The following NCKAP1 variants were observed in gnomAD, a reference collection of about 807,000 sequenced individuals.
NCKAP1 encodes nck-associated protein 1.
Under a neutral mutation model 151.2 loss-of-function variants are expected in NCKAP1, and 21 were observed. The observed-to-expected ratio is 0.14, with a 90% CI of 0.10 to 0.20. NCKAP1 has a LOEUF of 0.20. Ranked by LOEUF, NCKAP1 falls within the 10% of genes least tolerant of loss-of-function variation. NCKAP1 has a pLI of 1.00. For missense variants in NCKAP1, 933 were observed against 1,352.1 expected (o/e 0.69, Z 4.86); for synonymous variants, 484 against 451.8 (o/e 1.07, Z -0.90).
At chr2:183,031,198 T>C (rs1307211099) in intron 1 of NCKAP1, among the ~76,000 whole-genome samples, 1 of 152,146 alleles carries the variant, frequency 6.6e-6, no homozygotes, top group African/African-American at 2.4e-5. Flanking sequence ...CTTCAACCCA[T>C]TATACACTTC....
chr2:183,002,056 A>G lies in NCKAP1; in HGVS notation c.513-13T>C. The G allele has an allele frequency of 1.2e-6, 2 of 1,613,022 alleles. No individual in the cohort carries two copies. Among genetic ancestry groups the G allele is most frequent in the Non-Finnish European group, 8.5e-7 (1 of 1,179,212 alleles). Reference sequence around the variant, plus strand: ...GTATTCTCTGTCACTTAAAACAGACATATCAAATTTCAATGAGTTGTAATC... The same window carrying G: ...GTATTCTCTGTCACTTAAAACAGACGTATCAAATTTCAATGAGTTGTAATC... On this transcript the variant is annotated splice_polypyrimidine_tract_variant and intron_variant, in intron 5 of 30. Transcript: ENST00000361354.
At chr2:182,934,476 C>T in intron 26 of NCKAP1, 1 of 189,172 alleles carries the variant, frequency 5.3e-6, no homozygotes, top group African/African-American at 2.3e-5. Context: ...TCTTTATCAC[C>T]ATGTATAAAC....
Position 182,925,813 on chromosome 2 carries a change from T to C in NCKAP1, c.3276A>G (p.Val1092=), listed in dbSNP as rs767086294. 2.9e-5 allele frequency: 44 copies of C among 1,524,860 alleles called. 2 individuals carry two copies. The South Asian group carries it at 5.0e-4, about 17-fold the overall frequency. The allele number at this position is 1,524,860 out of a possible 1,614,324, so 94.5% of individuals were successfully genotyped here. Residue 1092 remains valine, a synonymous_variant, in exon 31 of 31, where the codon GTA becomes GTG. Coordinates refer to ENST00000361354, the MANE Select transcript of NCKAP1 (RefSeq NM_013436.5). ...ESVYLLLDMI[V]QESPFLTMDL... ...CCATTGTAAGGAATGGAGATTCTTG[T>C]ACAATCTGTAAAATTCAAAAAATCC...
chr2:183,013,382 T>C (rs1698625911), intron 2 of NCKAP1, among the ~76,000 whole-genome samples: 1 of 152,116 alleles, frequency 6.6e-6, no homozygotes, highest in South Asian at 2.1e-4. Context: ...TTTCTCCTGT[T>C]CTCTCACCCC....
rs113671900 is a variant in NCKAP1 at position 183,015,988 on chromosome 2, T to C, written c.219+7818A>G. 3.4e-3 allele frequency among the ~76,000 whole-genome samples: 518 copies of C among 152,028 alleles called. 3 individuals carry two copies. The highest frequency in any genetic ancestry group is 0.014 in the South Asian group (69 of 4,804). ...GAGAGGGGAAGTAAGGGGAAGTAAA[T>C]TGAGCAAGCTAAATCCTCATCTTTT... On this transcript the variant is annotated intron_variant, in intron 2 of 30. Transcript: ENST00000361354.
intron 13 of NCKAP1, among the ~76,000 whole-genome samples, chr2:182,979,943 G>A (rs949553429): frequency 6.6e-6 from 1 of 152,068 alleles, no homozygotes; most frequent in African/African-American, 2.4e-5. Context: ...ACTAATATCA[G>A]TATGATTGCT....
In NCKAP1 at chr2:182,965,322, TA is replaced by T. The variant is rs1460395408; in HGVS notation, c.1629-515del. On this transcript the variant is annotated intron_variant, in intron 16 of 30. Coordinates refer to ENST00000361354, the MANE Select transcript of NCKAP1 (RefSeq NM_013436.5). ...TTAAATAATCACACGCCATCAATTT[TA>T]TTTTTTTTTTTAACTTTTTTTAGAC... 3.1e-3 allele frequency among the ~76,000 whole-genome samples: 454 copies of T among 147,882 alleles called. 1 individual carries two copies. The highest frequency in any genetic ancestry group is 0.011 in the African/African-American group (419 of 37,492).
At chr2:182,952,683 A>T (rs1292939364) in intron 22 of NCKAP1, 110 bp downstream of exon 22, 15 of 1,240,428 alleles carry the variant, frequency 1.2e-5, no homozygotes, top group Non-Finnish European at 1.7e-5. Flanking sequence ...GCAGTTACGC[A>T]TATAATTGAA....
At chr2:182,974,402 C>T (rs1259031480) in intron 15 of NCKAP1, among the ~76,000 whole-genome samples, 2 of 152,076 alleles carry the variant, frequency 1.3e-5, no homozygotes, top group African/African-American at 4.8e-5. Context: ...ACCCCCAGTA[C>T]CTCAGAATGT....
intron 1 of NCKAP1, among the ~76,000 whole-genome samples, chr2:183,027,221 C>T (rs557513473): frequency 1.3e-5 from 2 of 152,274 alleles, no homozygotes; most frequent in South Asian, 4.1e-4. Flanking sequence ...GTTTCTTCAA[C>T]TGTTAAACAG....
intron 30 of NCKAP1, among the ~76,000 whole-genome samples, chr2:182,926,102 C>T (rs1696640669): frequency 6.6e-6 from 1 of 151,888 alleles, no homozygotes; most frequent in Non-Finnish European, 1.5e-5. Context: ...CACTGATATA[C>T]TAGAAATAAA....
chr2:182,947,822 A>T lies in NCKAP1; in HGVS notation c.2601+4583T>A, dbSNP rs550246116. Among the ~76,000 whole-genome samples the T allele has an allele frequency of 3.9e-5, 6 of 152,198 alleles. No individual in the cohort carries two copies. The South Asian group carries it at 1.2e-3, about 31-fold the overall frequency. On this transcript the variant is annotated intron_variant, in intron 23 of 30. Coordinates refer to ENST00000361354, the MANE Select transcript of NCKAP1 (RefSeq NM_013436.5). ...TCAATGAGACAGACTAGTATACAAC[A>T]CACTGAATTTATCTATATGAAACAT...
chr2:182,971,866 A>T (rs1433815295), intron 15 of NCKAP1, among the ~76,000 whole-genome samples: 1 of 152,192 alleles, frequency 6.6e-6, no homozygotes, highest in African/African-American at 2.4e-5. Flanking sequence ...CCACATGTAA[A>T]GGAATGAAAC....
At chr2:182,978,946 A>C in intron 13 of NCKAP1, 31 bp from the exon 14 acceptor site, 1 of 1,512,032 alleles carries the variant, frequency 6.6e-7, no homozygotes, top group Non-Finnish European at 9.2e-7. Context: ...AACGTTAAAA[A>C]CATCTATAGT....
intron 15 of NCKAP1, among the ~76,000 whole-genome samples, chr2:182,972,235 A>C (rs1250674724): frequency 1.5e-4 from 23 of 151,008 alleles, no homozygotes; most frequent in Non-Finnish European, 2.7e-4. Context: ...AAAAAAAAAA[A>C]AAAAAAAAAA....
intron 23 of NCKAP1, 71 bp downstream of exon 23, chr2:182,952,334 G>T: frequency 1.0e-6 from 1 of 966,058 alleles, no homozygotes; most frequent in Non-Finnish European, 1.6e-6. Context: ...TTGTAGGCTT[G>T]TTGCTCATAT....
chr2:183,004,403 A>C (rs2105877446), intron 2 of NCKAP1, among the ~76,000 whole-genome samples: 1 of 151,576 alleles, frequency 6.6e-6, no homozygotes, highest in Admixed American at 6.6e-5. Context: ...CACTATGGTA[A>C]GTCAGAAAAT....
chr2:182,963,036 T>C lies in NCKAP1; in HGVS notation c.1762-758A>G, dbSNP rs144372630. Among the ~76,000 whole-genome samples, 35 of 152,226 alleles carry C rather than the reference T, an allele frequency of 2.3e-4. No homozygotes were observed. The East Asian group carries it at 6.6e-3, about 28-fold the overall frequency. On this transcript the variant is annotated intron_variant, in intron 17 of 30. Transcript: ENST00000361354. ...CCTGCCCTGACCTTCCATAATCATA[T>C]ATGTAGAGCTTACATACAGTATTTA...
intron 1 of NCKAP1, among the ~76,000 whole-genome samples, chr2:183,036,493 A>G (rs1699104654): frequency 6.6e-6 from 1 of 152,180 alleles, no homozygotes; most frequent in Admixed American, 6.5e-5. Context: ...TGCAACCTCT[A>G]AGTAATACTA....
Sources: allele counts gnomAD v4.1 joint callset (sites outside exome capture counted in the v4.1 genomes callset), GRCh38; gene constraint gnomAD v4.1.1; transcripts MANE v1.5; gene names NCBI Gene and HGNC (gene_info 2026-07-23, HGNC 2026-07-21).